The following DDX47 variants were observed in gnomAD, a reference collection of about 807,000 sequenced individuals.
DDX47 encodes DEAD-box helicase 47.
DDX47 carries 60 observed loss-of-function variants against 58.8 expected under a neutral mutation model. The ratio of observed to expected loss-of-function variants is 1.02; its 90% CI spans 0.83 to 1.26. The LOEUF is 1.26. DDX47 is among the 50% of genes most tolerant of loss of function. The pLI, the probability that DDX47 is intolerant of heterozygous loss-of-function variation, is 0.00. For missense variants in DDX47, 530 were observed against 573.2 expected, an observed-to-expected ratio of 0.92 and a Z score of 0.77; for synonymous variants, 197 against 204.6, an observed-to-expected ratio of 0.96 and a Z score of 0.32.
At chr12:12,823,748 A>G in intron 7 of DDX47, 122 bp from the exon 8 acceptor site, 1 of 928,340 alleles carries the variant, frequency 1.1e-6, no homozygotes, top group Non-Finnish European at 1.6e-6. Context: ...CAAAGCTGGC[A>G]GCTGGAGGTC....
At chr12:12,813,542 G>A (rs1426511716) in intron 1 of DDX47, 88 bp downstream of exon 1, 6 of 1,206,854 alleles carry the variant, frequency 5.0e-6, no homozygotes, top group African/African-American at 1.5e-5. Context: ...CTCTGATAGT[G>A]TACAAAAGCA....
chr12:12,826,018 G>A lies in DDX47; in HGVS notation c.1054G>A (p.Gly352Ser). Residue 352 changes from glycine (G) to serine (S), a missense_variant, in exon 10 of 12, where the codon GGT becomes AGT. Transcript: ENST00000358007. ...GTTTTAGGATTACATCCATCGAGTA[G>A]GTCGAACAGCTAGAGCTGGGCGCTC... ...THSKDYIHRVGRTARAGRSGK... is the reference protein window; with the variant it reads ...THSKDYIHRVSRTARAGRSGK... The A allele has an allele frequency of 6.2e-7, 1 of 1,613,268 alleles. No homozygotes were observed. The highest frequency in any genetic ancestry group is 8.5e-7 in the Non-Finnish European group (1 of 1,179,622).
At chr12:12,823,389 A>G (rs1863002684) in intron 7 of DDX47, 70 bp downstream of exon 7, 2 of 953,072 alleles carry the variant, frequency 2.1e-6, no homozygotes, top group Admixed American at 1.7e-5. Context: ...AAATGTGTCA[A>G]CTCTTGATTA....
rs751914782 is a variant in DDX47, at chr12:12,827,349, G to A, written c.1210G>A (p.Ala404Thr). The A allele has an allele frequency of 1.9e-5, 31 of 1,614,094 alleles. No homozygotes were observed. The highest frequency in any genetic ancestry group is 6.7e-5 in the East Asian group (3 of 44,884). The change falls in exon 11 of 12, where the codon GCT becomes ACT. Residue 404 changes from alanine (A) to threonine (T), a missense_variant. Ala to Thr is a moderately conservative substitution (Grantham distance 58). Transcript: ENST00000358007. The stretch of plus-strand genomic sequence containing the variant: ...GGTTATGATGCTGACAGAACGCGTC[G>A]CTGAAGCCCAAAGGTTTGCCCGAAT... Reference protein sequence around the residue: ...DEVMMLTERVAEAQRFARMEL... With the variant: ...DEVMMLTERVTEAQRFARMEL...
intron 5 of DDX47, 124 bp from the exon 6 acceptor site, chr12:12,822,537 C>A (rs897103046): frequency 5.5e-6 from 4 of 723,482 alleles, no homozygotes; most frequent in Admixed American, 2.6e-5. Context: ...ATTGAATTTT[C>A]GAGTCCCAAA....
At chr12:12,814,497 T>C in intron 2 of DDX47, 1 of 367,218 alleles carries the variant, frequency 2.7e-6, no homozygotes. Context: ...CTTGGTAGAC[T>C]TTATGCATCA....
intron 2 of DDX47, among the ~76,000 whole-genome samples, chr12:12,817,743 G>A (rs978833976): frequency 5.3e-5 from 8 of 152,136 alleles, no homozygotes; most frequent in Non-Finnish European, 1.2e-4. Context: ...AAGGCTTAGC[G>A]GTTTCTTCAG....
In DDX47 at chr12:12,821,336, C is replaced by A. The variant is rs1329220185; in HGVS notation, c.310C>A (p.Leu104Met). ...CCTAGTTCTTACCCCGACTCGGGAGCTGGCCTTTCAGATCTCAGAGCAGTT... is the reference window on the plus strand; with the variant it reads ...CCTAGTTCTTACCCCGACTCGGGAGATGGCCTTTCAGATCTCAGAGCAGTT... ...FALVLTPTRE[L>M]AFQISEQFEA... Residue 104 changes from leucine (L) to methionine (M), a missense_variant, in exon 3 of 12, where the codon CTG (leucine) becomes ATG (methionine). Coordinates refer to ENST00000358007, the MANE Select transcript of DDX47 (RefSeq NM_016355.4). 2 of 1,614,218 alleles carry A rather than the reference C, an allele frequency of 1.2e-6. No individual in the cohort carries two copies. The highest frequency in any genetic ancestry group is 4.5e-5 in the East Asian group (2 of 44,888).
chr12:12,821,234 A>G lies in DDX47; in HGVS notation c.208A>G (p.Thr70Ala). The change falls in exon 3 of 12, where the codon ACT becomes GCT. Residue 70 changes from threonine to alanine, a missense_variant. Transcript: ENST00000358007. ...QGRDIIGLAE[T>A]GSGKTGAFAL... ...TCGTGATATCATTGGGCTTGCAGAA[A>G]CTGGCTCTGGAAAGACAGGCGCCTT... The G allele has an allele frequency of 6.2e-7, 1 of 1,614,194 alleles. No homozygotes were observed. The highest frequency in any genetic ancestry group is 1.1e-5 in the South Asian group (1 of 91,084).
intron 10 of DDX47, among the ~76,000 whole-genome samples, chr12:12,826,865 C>T (rs988009501): frequency 6.6e-6 from 1 of 152,126 alleles, no homozygotes; most frequent in African/African-American, 2.4e-5. Context: ...TCAAGTAGTC[C>T]TCATACCTCA....
At chr12:12,815,912 G>C (rs1862887871) in intron 2 of DDX47, among the ~76,000 whole-genome samples, 2 of 152,198 alleles carry the variant, frequency 1.3e-5, no homozygotes, top group African/African-American at 4.8e-5. Context: ...ACAAGAGACT[G>C]AGTCTGGGAA....
chr12:12,826,539 C>G (rs1318313516), intron 10 of DDX47, among the ~76,000 whole-genome samples: 1 of 151,862 alleles, frequency 6.6e-6, no homozygotes, highest in Non-Finnish European at 1.5e-5. Context: ...ACCCCCTGGG[C>G]TCAAGCAATC....
At position 12,823,290 on chromosome 12, in the gene DDX47, T is replaced by C; in HGVS notation, c.721T>C (p.Tyr241His). Residue 241 changes from tyrosine to histidine, a missense_variant, in exon 7 of 12, where the codon TAT (tyrosine) becomes CAT (histidine). Transcript: ENST00000358007. ...CCAGACAGTTGAAAAATTACAGCAA[T>C]ATTATATTTTTATTCCCTCTAAATT... Reference protein sequence around the residue: ...KYQTVEKLQQYYIFIPSKFKD... With the variant: ...KYQTVEKLQQHYIFIPSKFKD... 1.3e-6 allele frequency: 2 copies of C among 1,598,810 alleles called. No homozygotes were observed. Among genetic ancestry groups the C allele is most frequent in the Non-Finnish European group, 1.7e-6 (2 of 1,166,066 alleles).
In DDX47 at chr12:12,823,840, G is replaced by A. The variant is rs756702138; in HGVS notation, c.751-30G>A. ...TCCAATCCTGTCTCCCAGGTTCAAT[G>A]ACATATATTGTTTTGGGTTTGTAAC... On this transcript the variant is annotated intron_variant, in intron 7 of 11. Transcript: ENST00000358007. 2.5e-6 allele frequency: 4 copies of A among 1,606,422 alleles called. No homozygotes were observed. The African/African-American group carries it at 4.0e-5, about 16-fold the overall frequency.
intron 2 of DDX47, among the ~76,000 whole-genome samples, chr12:12,815,828 G>A (rs1013307860): frequency 6.6e-6 from 1 of 152,116 alleles, no homozygotes; most frequent in African/African-American, 2.4e-5. Flanking sequence ...AGGCAGTGGG[G>A]CATTTTTGGA....
Position 12,826,071 on chromosome 12 carries a change from G to C in DDX47, c.1106+1G>C. 6.2e-7 allele frequency: 1 copy of C among 1,613,184 alleles called. No individual in the cohort carries two copies. Among genetic ancestry groups the C allele is most frequent in the Non-Finnish European group, 8.5e-7 (1 of 1,179,504 alleles). On this transcript the variant is annotated splice_donor_variant, in intron 10 of 11. Coordinates refer to ENST00000358007, the MANE Select transcript of DDX47 (RefSeq NM_016355.4). LOFTEE classifies it high-confidence loss of function. ...GAAAGGCTATTACTTTTGTCACACA[G>C]TAAGTAAATCAGCTTTAGGGCCGAG...
At chr12:12,814,969 A>G (rs1862874870) in intron 2 of DDX47, among the ~76,000 whole-genome samples, 1 of 152,148 alleles carries the variant, frequency 6.6e-6, no homozygotes, top group African/African-American at 2.4e-5. Context: ...GAGCCACCAC[A>G]TCTGGCTGTA....
chr12:12,829,535 A>G lies in DDX47; in HGVS notation c.1349A>G (p.Lys450Arg). ...VRNKVAGGKMKKRKGR is the reference protein window; with the variant it reads ...VRNKVAGGKMRKRKGR The stretch of plus-strand genomic sequence containing the variant: ...AACAAGGTGGCTGGAGGAAAAATGA[A>G]GAAGCGGAAAGGCCGTTAATCACTT... The change falls in exon 12 of 12, where the codon AAG becomes AGG. Residue 450 changes from lysine (K) to arginine (R), a missense_variant. Transcript: ENST00000358007. 1 of 1,613,900 alleles carries G rather than the reference A, an allele frequency of 6.2e-7. No individual in the cohort carries two copies. Among genetic ancestry groups the G allele is most frequent in the Non-Finnish European group, 8.5e-7 (1 of 1,179,916 alleles).
intron 8 of DDX47, 82 bp from the exon 9 acceptor site, chr12:12,824,454 CTGTT>C: frequency 2.1e-6 from 3 of 1,462,358 alleles, no homozygotes; most frequent in Non-Finnish European, 2.8e-6. Flanking sequence ...AAATTTATGT[CTGTT>C]TGTTCTCGTG....
Sources: gnomAD v4.1 joint callset for allele counts (sites outside exome capture counted in the v4.1 genomes callset) on GRCh38, gnomAD v4.1.1 for gene constraint, MANE v1.5 for transcripts, NCBI Gene and HGNC (gene_info 2026-07-23, HGNC 2026-07-21) for gene names.